RPA3: variants seen among roughly 807,000 people sequenced by gnomAD.
RPA3 encodes the protein replication protein A3, also known as replication protein A 14 kDa subunit.
Under a neutral mutation model 13.7 loss-of-function variants are expected in RPA3, and 24 were observed. That is an observed-to-expected ratio of 1.75 (90% CI 1.27 to 2.46). The LOEUF is 2.46. Among genes scored for constraint, RPA3 ranks in the 30% most tolerant of loss-of-function variants. The pLI, the probability that RPA3 is intolerant of heterozygous loss-of-function variation, is 0.00. For missense variants in RPA3, 183 were observed against 151.0 expected, an observed-to-expected ratio of 1.21 and a Z score of -1.11; for synonymous variants, 59 against 51.2, an observed-to-expected ratio of 1.15 and a Z score of -0.65.
intron 2 of RPA3, among the ~76,000 whole-genome samples, chr7:7,698,525 G>A (rs1284683837): frequency 2.0e-5 from 3 of 152,068 alleles, no homozygotes. Flanking sequence ...ATCATTGCAG[G>A]CTTTATTCTG....
chr7:7,703,345 A>T (rs181153505), intron 2 of RPA3, among the ~76,000 whole-genome samples: 74 of 152,350 alleles, frequency 4.9e-4, no homozygotes, highest in African/African-American at 1.5e-3. Context: ...ATCAAAATTT[A>T]GACTGAAGAA....
chr7:7,713,095 T>C lies in RPA3; in HGVS notation c.-1028+2080A>G, dbSNP rs1390198686. ...GGCTCACACCTATAATCCCAGCACA[T>C]TGGGAGGCTAAGGCAGGCAGATCAC... On this transcript the variant is annotated intron_variant, in intron 2 of 7. Transcript: ENST00000223129. 5.3e-4 allele frequency among the ~76,000 whole-genome samples: 81 copies of C among 151,888 alleles called. 3 individuals are homozygous for C. Among genetic ancestry groups the C allele is most frequent in the Admixed American group, 5.1e-3 (77 of 15,244 alleles).
At chr7:7,673,980 A>G (rs1268143344) in intron 4 of RPA3, among the ~76,000 whole-genome samples, 1 of 152,238 alleles carries the variant, frequency 6.6e-6, no homozygotes, top group African/African-American at 2.4e-5. Context: ...ACAATCAAAT[A>G]CAGTGTTCTT....
intron 4 of RPA3, among the ~76,000 whole-genome samples, chr7:7,670,346 G>C (rs575929170): frequency 1.3e-5 from 2 of 152,034 alleles, no homozygotes; most frequent in African/African-American, 4.8e-5. Flanking sequence ...CTTCGTAAAG[G>C]GTCTCTCTAT....
chr7:7,651,388 C>G (rs969759106), intron 4 of RPA3, among the ~76,000 whole-genome samples: 2 of 152,060 alleles, frequency 1.3e-5, no homozygotes, highest in African/African-American at 4.8e-5. Flanking sequence ...GGCCAAAAGG[C>G]AACATTTGGG....
chr7:7,678,778 TATATTTATATATTTAGTTTATAA>T (rs1361358527), intron 4 of RPA3, among the ~76,000 whole-genome samples: 25 of 8,738 alleles, frequency 2.9e-3, no homozygotes, highest in African/African-American at 9.6e-3. Context: ...AGTTTATAAA[TATATTTATATATTTAGTTTATAA>T]ATATATTTAT....
At chr7:7,705,990 C>T (rs1215345515) in intron 2 of RPA3, among the ~76,000 whole-genome samples, 2 of 152,070 alleles carry the variant, frequency 1.3e-5, no homozygotes, top group African/African-American at 2.4e-5. Context: ...GGTATGTGTA[C>T]TCTATAATCT....
rs758792032 is a variant in RPA3 at position 7,640,394 on chromosome 7, T to C, written c.25A>G (p.Arg9Gly). The C allele has an allele frequency of 9.9e-6, 16 of 1,613,920 alleles. No individual in the cohort carries two copies. Among genetic ancestry groups the C allele is most frequent in the Non-Finnish European group, 1.4e-5 (16 of 1,180,030 alleles). The change falls in exon 5 of 8, where the codon AGG (arginine) becomes GGG (glycine). Residue 9 changes from arginine (R) to glycine (G), a missense_variant. Arg to Gly is a moderately radical substitution (Grantham distance 125). Transcript: ENST00000223129. MVDMMDLP[R>G]SRINAGMLAQ... Reference sequence around the variant, plus strand: ...AGCATGCCGGCGTTGATGCGCGACCTGGGCAAGTCCATCATGTCCACCATG... The same window carrying C: ...AGCATGCCGGCGTTGATGCGCGACCCGGGCAAGTCCATCATGTCCACCATG...
Position 7,637,962 on chromosome 7 carries a change from T to A in RPA3, c.185A>T (p.Glu62Val). The A allele has an allele frequency of 6.2e-7, 1 of 1,613,206 alleles. No homozygotes were observed. The highest frequency in any genetic ancestry group is 8.5e-7 in the Non-Finnish European group (1 of 1,179,372). Reference sequence around the variant, plus strand: ...AACCACTTCCACAATTCCAGAGATTTCTTCATCAAGCTAAGACACAGAACA... The same window carrying A: ...AACCACTTCCACAATTCCAGAGATTACTTCATCAAGCTAAGACACAGAACA... ...TIELMEPLDE[E>V]ISGIVEVVGR... is the part of the protein sequence containing the mutation. The change falls in exon 7 of 8, where the codon GAA (glutamate) becomes GTA (valine). Residue 62 changes from glutamate to valine, a missense_variant. Coordinates refer to ENST00000223129, the MANE Select transcript of RPA3 (RefSeq NM_002947.5).
intron 4 of RPA3, among the ~76,000 whole-genome samples, chr7:7,685,301 T>C (rs4313075): frequency 0.63 from 94,652 of 150,486 alleles, 30,122 homozygotes; most frequent in East Asian, 0.87. Flanking sequence ...TATTATTGGG[T>C]TTACACATTG....
chr7:7,666,947 G>T (rs558180393), intron 4 of RPA3, among the ~76,000 whole-genome samples: 1 of 152,214 alleles, frequency 6.6e-6, no homozygotes, highest in African/African-American at 2.4e-5. Context: ...AGCTGGGATT[G>T]CAGGCGTGCG....
chr7:7,673,267 A>G (rs942669869), intron 4 of RPA3: 153 of 1,065,540 alleles, frequency 1.4e-4, no homozygotes, highest in Non-Finnish European at 2.0e-4. Context: ...AGAGTTTTAC[A>G]GTTGCATCTG....
chr7:7,637,051 A>C lies in RPA3; in HGVS notation c.315T>G (p.Ile105Met), dbSNP rs764940314. Reference sequence around the variant, plus strand: ...GATAAAACTGAGGGAAGTCATGGATAATTTTCACAGCTTCATTGTAAAGTC... The same window carrying C: ...GATAAAACTGAGGGAAGTCATGGATCATTTTCACAGCTTCATTGTAAAGTC... ...DLGLYNEAVK[I>M]IHDFPQFYPL... Residue 105 changes from isoleucine to methionine, a missense_variant, in exon 8 of 8, where the codon ATT becomes ATG. Coordinates refer to ENST00000223129, the MANE Select transcript of RPA3 (RefSeq NM_002947.5). The C allele has an allele frequency of 3.7e-6, 6 of 1,612,698 alleles. No homozygotes were observed. The highest frequency in any genetic ancestry group is 5.1e-6 in the Non-Finnish European group (6 of 1,178,880).
chr7:7,690,392 T>C (rs1185394486), intron 2 of RPA3, among the ~76,000 whole-genome samples: 1 of 152,116 alleles, frequency 6.6e-6, no homozygotes, highest in African/African-American at 2.4e-5. Context: ...AAACCAAGTA[T>C]ATATTATGTT....
chr7:7,644,142 G>A (rs1785040933), intron 4 of RPA3, among the ~76,000 whole-genome samples: 1 of 152,026 alleles, frequency 6.6e-6, no homozygotes. Context: ...GATATGAAGT[G>A]TTTTTTTGTC....
At position 7,649,142 on chromosome 7, in the gene RPA3, G is replaced by T. The variant is rs1583691882; in HGVS notation, c.-757-7967C>A. On this transcript the variant is annotated intron_variant, in intron 4 of 7. Transcript: ENST00000223129. ...CACTGCACTCCAGCCCGTGCGACAAGAGCGAGACTCCATCTCAAAAAAAAA... is the reference window on the plus strand; with the variant it reads ...CACTGCACTCCAGCCCGTGCGACAATAGCGAGACTCCATCTCAAAAAAAAA... Among the ~76,000 whole-genome samples, 4 of 126,236 alleles carry T rather than the reference G, an allele frequency of 3.2e-5. No individual in the cohort carries two copies. The East Asian group carries it at 8.8e-4, about 28-fold the overall frequency. 82.8% of individuals were successfully genotyped at this position (126,236 alleles called of 152,430 possible).
chr7:7,639,147 A>C lies in RPA3; in HGVS notation c.100-3T>G. On this transcript the variant is annotated splice_polypyrimidine_tract_variant and splice_region_variant and intron_variant, in intron 5 of 7. Transcript: ENST00000223129. ...AACATTTTTCCGGTGGGATGAATCTAAAAACGAAACATATAATTAAAATCT... is the reference window on the plus strand; with the variant it reads ...AACATTTTTCCGGTGGGATGAATCTCAAAACGAAACATATAATTAAAATCT... 1 of 1,606,224 alleles carries C rather than the reference A, an allele frequency of 6.2e-7. No individual in the cohort carries two copies. Among genetic ancestry groups the C allele is most frequent in the Non-Finnish European group, 8.5e-7 (1 of 1,176,570 alleles).
Position 7,640,400 on chromosome 7 carries a change from A to G in RPA3, c.19T>C (p.Leu7=), listed in dbSNP as rs948564006. The G allele has an allele frequency of 2.5e-6, 4 of 1,614,068 alleles. No individual in the cohort carries two copies. Among genetic ancestry groups the G allele is most frequent in the Non-Finnish European group, 3.4e-6 (4 of 1,180,020 alleles). The part of the protein sequence containing the change: MVDMMD[L]PRSRINAGML... ...CCGGCGTTGATGCGCGACCTGGGCAAGTCCATCATGTCCACCATGATTATG... is the reference window on the plus strand; with the variant it reads ...CCGGCGTTGATGCGCGACCTGGGCAGGTCCATCATGTCCACCATGATTATG... Residue 7 remains leucine, a synonymous_variant, in exon 5 of 8, where the codon TTG becomes CTG. Coordinates refer to ENST00000223129, the MANE Select transcript of RPA3 (RefSeq NM_002947.5).
intron 4 of RPA3, among the ~76,000 whole-genome samples, chr7:7,682,939 C>G (rs1779948417): frequency 6.6e-6 from 1 of 152,180 alleles, no homozygotes; most frequent in Non-Finnish European, 1.5e-5. Flanking sequence ...GTCACTGTTA[C>G]CTGATTCTGG....
Sources: gnomAD v4.1 joint callset for allele counts (sites outside exome capture counted in the v4.1 genomes callset) on GRCh38, gnomAD v4.1.1 for gene constraint, MANE v1.5 for transcripts, NCBI Gene and HGNC (gene_info 2026-07-23, HGNC 2026-07-21) for gene names.